The following GTF2H5 variants were observed in gnomAD, a reference collection of about 807,000 sequenced individuals.
GTF2H5 encodes the protein general transcription factor IIH subunit 5.
GTF2H5 carries 5 observed loss-of-function variants against 7.1 expected under a neutral mutation model. The ratio of observed to expected loss-of-function variants is 0.71; its 90% CI spans 0.37 to 1.49. The LOEUF (loss-of-function observed/expected upper bound fraction) is 1.49. GTF2H5 is among the 40% of genes most tolerant of loss of function. The pLI, the probability that GTF2H5 is intolerant of heterozygous loss-of-function variation, is 0.03. For missense variants in GTF2H5, 80 were observed against 83.0 expected (o/e 0.96, Z 0.14); for synonymous variants, 30 against 31.7 (o/e 0.95, Z 0.18).
intron 1 of GTF2H5, among the ~76,000 whole-genome samples, chr6:158,169,649 TATTAC>T (rs1785776896): frequency 1.2e-5 from 1 of 86,360 alleles, no homozygotes; most frequent in African/African-American, 6.1e-5. Context: ...ATATATTGTA[TATTAC>T]ATATAATATA....
chr6:158,192,538 A>C lies in GTF2H5; in HGVS notation c.*381A>C. On this transcript the variant is annotated 3_prime_UTR_variant, in exon 3 of 3. Transcript: ENST00000607778. ...TTGGTTTCAGTTAGAAACGTCATAG[A>C]TTTGCTGTTTGAATATGCCAAGGTG... The C allele has an allele frequency of 3.8e-6, 1 of 261,548 alleles. No individual in the cohort carries two copies. The highest frequency in any genetic ancestry group is 4.5e-5 in the South Asian group (1 of 22,470). The allele number at this position is 261,548 out of a possible 1,614,324, so 16.2% of individuals were successfully genotyped here.
At chr6:158,187,059 A>C (rs868066631) in intron 2 of GTF2H5, among the ~76,000 whole-genome samples, 1 of 150,534 alleles carries the variant, frequency 6.6e-6, no homozygotes, top group Middle Eastern at 3.4e-3. Flanking sequence ...CAATGGTGTG[A>C]TCTCGGCCCA....
intron 2 of GTF2H5, among the ~76,000 whole-genome samples, chr6:158,175,044 G>GTATATGTGTGTGTGTGTGTGTA (rs1554267664): frequency 1.1e-4 from 16 of 142,846 alleles, no homozygotes; most frequent in African/African-American, 4.3e-4. Context: ...GTGTGTGTGT[G>GTATATGTGTGTGTGTGTGTGTA]TATACACACA....
chr6:158,171,285 A>G (rs953003593), intron 2 of GTF2H5, among the ~76,000 whole-genome samples: 2 of 152,232 alleles, frequency 1.3e-5, no homozygotes, highest in Non-Finnish European at 1.5e-5. Flanking sequence ...AACCCTGTCT[A>G]TGCAAAACAC....
intron 1 of GTF2H5, among the ~76,000 whole-genome samples, chr6:158,169,497 ATATAATATATTGTATAT>A (rs1785747931): frequency 1.0e-4 from 9 of 86,054 alleles, no homozygotes; most frequent in Admixed American, 4.2e-4. Flanking sequence ...ATTGTATATT[ATATAATATATTGTATAT>A]TATATATAAT....
chr6:158,174,524 CTT>C (rs1785903160), intron 2 of GTF2H5, among the ~76,000 whole-genome samples: 1 of 152,160 alleles, frequency 6.6e-6, no homozygotes, highest in Admixed American at 6.5e-5. Context: ...TAAATTTGCA[CTT>C]TTATGTCAAA....
At chr6:158,177,973 A>G (rs942683228) in intron 2 of GTF2H5, among the ~76,000 whole-genome samples, 7 of 152,164 alleles carry the variant, frequency 4.6e-5, no homozygotes, top group Admixed American at 3.9e-4. Flanking sequence ...TCTATCATTG[A>G]TGGACATTTG....
Position 158,169,679 on chromosome 6 carries a change from A to ATATATTGTATAT in GTF2H5, c.-34-786_-34-785insTGTATATTATAT, listed in dbSNP as rs1562469114. On this transcript the variant is annotated intron_variant, in intron 1 of 2. Coordinates refer to ENST00000607778, the MANE Select transcript of GTF2H5 (RefSeq NM_207118.3). ...CATATAATATATTGTATATTATATA[A>ATATATTGTATAT]TATATAATATATATTATATAATATA... 3.8e-3 allele frequency among the ~76,000 whole-genome samples: 152 copies of ATATATTGTATAT among 39,872 alleles called. 17 individuals carry two copies. Among genetic ancestry groups the ATATATTGTATAT allele is most frequent in the African/African-American group, 0.022 (143 of 6,386 alleles). 26.2% of individuals were successfully genotyped at this position (39,872 alleles called of 152,430 possible).
intron 2 of GTF2H5, among the ~76,000 whole-genome samples, chr6:158,187,414 C>T (rs1776948366): frequency 6.6e-6 from 1 of 152,100 alleles, no homozygotes; most frequent in East Asian, 1.9e-4. Flanking sequence ...CTTTGCAGGG[C>T]CGTCTCAAAA....
At chr6:158,180,683 A>T (rs1335317120) in intron 2 of GTF2H5, among the ~76,000 whole-genome samples, 1 of 152,032 alleles carries the variant, frequency 6.6e-6, no homozygotes, top group African/African-American at 2.4e-5. Context: ...TTCTGATGGT[A>T]GTTTATATTT....
chr6:158,178,456 C>CA (rs34745319), intron 2 of GTF2H5, among the ~76,000 whole-genome samples: 36,550 of 88,310 alleles, frequency 0.41, 7,196 homozygotes, highest in Middle Eastern at 0.48. Flanking sequence ...GACTCCATCT[C>CA]AAAAAAAAAA....
chr6:158,169,962 A>G (rs55633150), intron 1 of GTF2H5, among the ~76,000 whole-genome samples: 5,260 of 150,852 alleles, frequency 0.035, 298 homozygotes, highest in African/African-American at 0.12. Flanking sequence ...AAGAGGTTGC[A>G]GGGAGCAGAG....
chr6:158,189,857 C>T (rs930156982), intron 2 of GTF2H5, among the ~76,000 whole-genome samples: 1 of 152,196 alleles, frequency 6.6e-6, no homozygotes, highest in South Asian at 2.1e-4. Flanking sequence ...TGCCAAGGTC[C>T]AGTGACTTTC....
intron 2 of GTF2H5, among the ~76,000 whole-genome samples, chr6:158,188,496 G>T (rs1356796917): frequency 6.6e-6 from 1 of 152,070 alleles, no homozygotes; most frequent in African/African-American, 2.4e-5. Context: ...TCAACCCCAC[G>T]TTCCTTCTAG....
At chr6:158,176,799 CTATAGAT>C (rs547855698) in intron 2 of GTF2H5, among the ~76,000 whole-genome samples, 5 of 152,116 alleles carry the variant, frequency 3.3e-5, no homozygotes, top group East Asian at 3.9e-4. Flanking sequence ...AGCATTGTTT[CTATAGAT>C]TATAGATTAT....
chr6:158,184,995 T>C (rs574960245), intron 2 of GTF2H5, among the ~76,000 whole-genome samples: 1 of 152,168 alleles, frequency 6.6e-6, no homozygotes, highest in Non-Finnish European at 1.5e-5. Flanking sequence ...GCCTTGATCC[T>C]GGGACTTCAA....
chr6:158,175,755 C>A (rs1298989328), intron 2 of GTF2H5, among the ~76,000 whole-genome samples: 8 of 151,178 alleles, frequency 5.3e-5, no homozygotes, highest in Non-Finnish European at 1.2e-4. Context: ...CACAGTGAGA[C>A]CCCATTTCAA....
chr6:158,187,004 G>T (rs1157737612), intron 2 of GTF2H5, among the ~76,000 whole-genome samples: 1 of 150,038 alleles, frequency 6.7e-6, no homozygotes, highest in East Asian at 2.1e-4. Context: ...GTTTTGTTTT[G>T]TTCTTATTAG....
At chr6:158,176,935 G>C (rs1383029698) in intron 2 of GTF2H5, among the ~76,000 whole-genome samples, 1 of 152,240 alleles carries the variant, frequency 6.6e-6, no homozygotes, top group Non-Finnish European at 1.5e-5. Flanking sequence ...TCACGCTATT[G>C]TTTGTGGTTT....
Sources: allele counts gnomAD v4.1 joint callset (sites outside exome capture counted in the v4.1 genomes callset), GRCh38; gene constraint gnomAD v4.1.1; transcripts MANE v1.5; gene names NCBI Gene and HGNC (gene_info 2026-07-23, HGNC 2026-07-21).